Variants in STXBP4 observed in about 807,000 individuals in gnomAD.
The protein encoded by STXBP4 is syntaxin-binding protein 4.
STXBP4 carries 55 observed loss-of-function variants against 76.1 expected under a neutral mutation model. The observed-to-expected ratio is 0.72, with a 90% CI of 0.58 to 0.91. STXBP4 has a LOEUF of 0.91. STXBP4 is among the 40% of genes least tolerant of loss of function. STXBP4 has a pLI of 0.00. For missense variants in STXBP4, 618 were observed against 636.9 expected (o/e 0.97, Z 0.32); for synonymous variants, 201 against 220.2 (o/e 0.91, Z 0.77).
chr17:55,005,961 G>C (rs2077999432), intron 7 of STXBP4, among the ~76,000 whole-genome samples: 1 of 151,936 alleles, frequency 6.6e-6, no homozygotes, highest in Non-Finnish European at 1.5e-5. Flanking sequence ...ATATGTGTAT[G>C]TGTGTATATA....
chr17:54,980,381 C>A lies in STXBP4; in HGVS notation c.-156-5233C>A, dbSNP rs2077533435. 2.0e-5 allele frequency among the ~76,000 whole-genome samples: 3 copies of A among 152,122 alleles called. No individual in the cohort carries two copies. The South Asian group carries it at 6.2e-4, about 32-fold the overall frequency. On this transcript the variant is annotated intron_variant, in intron 1 of 17. Transcript: ENST00000376352. ...TGTTACCAGTGCAGGGTCTTGACTACAAGTCGTCCAGGTTCTTGGCAATTT... is the reference window on the plus strand; with the variant it reads ...TGTTACCAGTGCAGGGTCTTGACTAAAAGTCGTCCAGGTTCTTGGCAATTT...
At chr17:55,064,987 C>A (rs2079033435) in intron 12 of STXBP4, among the ~76,000 whole-genome samples, 1 of 152,136 alleles carries the variant, frequency 6.6e-6, no homozygotes, top group South Asian at 2.1e-4. Context: ...AGGGTCTACA[C>A]TTTACACTGT....
At chr17:54,977,196 G>T (rs2077485721) in intron 1 of STXBP4, among the ~76,000 whole-genome samples, 1 of 151,906 alleles carries the variant, frequency 6.6e-6, no homozygotes, top group Non-Finnish European at 1.5e-5. Flanking sequence ...TTAGATTCTT[G>T]AAAGAAAAAA....
intron 7 of STXBP4, among the ~76,000 whole-genome samples, chr17:55,005,314 T>G (rs148732851): frequency 6.6e-6 from 1 of 152,334 alleles, no homozygotes; most frequent in Admixed American, 6.5e-5. Flanking sequence ...GAGATTAGAC[T>G]CGTGACATTA....
At chr17:55,122,742 G>A (rs1346879153) in intron 16 of STXBP4, among the ~76,000 whole-genome samples, 1 of 152,112 alleles carries the variant, frequency 6.6e-6, no homozygotes, top group African/African-American at 2.4e-5. Context: ...TGAGATATGT[G>A]TCTATGTGTG....
intron 10 of STXBP4, among the ~76,000 whole-genome samples, chr17:55,036,748 CTT>C (rs1259651831): frequency 1.3e-5 from 2 of 151,844 alleles, no homozygotes; most frequent in East Asian, 3.8e-4. Flanking sequence ...TTTTTAATAA[CTT>C]TTTCTTTTAG....
chr17:55,079,174 C>T (rs1202197303), intron 15 of STXBP4, among the ~76,000 whole-genome samples: 1 of 152,112 alleles, frequency 6.6e-6, no homozygotes, highest in African/African-American at 2.4e-5. Flanking sequence ...TTTCATCTTT[C>T]AGTAGCTATA....
At chr17:55,071,474 A>G (rs1197524338) in intron 12 of STXBP4, among the ~76,000 whole-genome samples, 1 of 152,164 alleles carries the variant, frequency 6.6e-6, no homozygotes, top group Non-Finnish European at 1.5e-5. Context: ...CGCTCTTCCT[A>G]GAAAGCTCCT....
chr17:55,015,103 A>G (rs966755410), intron 8 of STXBP4, among the ~76,000 whole-genome samples: 10 of 152,320 alleles, frequency 6.6e-5, no homozygotes, highest in African/African-American at 1.9e-4. Context: ...TTGGCCTTCA[A>G]TAGAGTCAGG....
At chr17:55,197,303 C>T in the STXBP4 span, among the ~76,000 whole-genome samples, 3 of 152,176 alleles carry the variant, frequency 2.0e-5, no homozygotes, top group African/African-American at 7.2e-5. Flanking sequence ...CAATTCCCCT[C>T]AACATGAAAG....
At chr17:55,184,328 A>G in the STXBP4 span, among the ~76,000 whole-genome samples, 10 of 152,222 alleles carry the variant, frequency 6.6e-5, no homozygotes, top group African/African-American at 2.2e-4. Flanking sequence ...TTAAAAAGTT[A>G]TTATCATAAT....
At chr17:55,075,393 T>C (rs1157622356) in intron 13 of STXBP4, among the ~76,000 whole-genome samples, 1 of 152,214 alleles carries the variant, frequency 6.6e-6, no homozygotes, top group East Asian at 1.9e-4. Flanking sequence ...TTTCTTGTAC[T>C]CTATTGTGTG....
chr17:55,073,484 G>T (rs1167753834), intron 13 of STXBP4, among the ~76,000 whole-genome samples: 1 of 152,134 alleles, frequency 6.6e-6, no homozygotes, highest in Non-Finnish European at 1.5e-5. Context: ...TTAAAGTGAA[G>T]GAATGTTTGC....
At chr17:55,206,899 C>A in the STXBP4 span, among the ~76,000 whole-genome samples, 2 of 145,928 alleles carry the variant, frequency 1.4e-5, no homozygotes, top group Non-Finnish European at 3.0e-5. Context: ...AGGAAAAGGA[C>A]AAAATGTCTT....
intron 12 of STXBP4, among the ~76,000 whole-genome samples, chr17:55,064,526 G>T (rs1295202287): frequency 6.6e-6 from 1 of 152,092 alleles, no homozygotes; most frequent in Non-Finnish European, 1.5e-5. Flanking sequence ...ATGGAGTCTT[G>T]CTCTGTCGCC....
chr17:55,168,870 A>G lies in STXBP4; in HGVS notation c.*8959A>G, dbSNP rs893270442. The G allele has an allele frequency of 6.6e-6, 1 of 152,234 alleles. No homozygotes were observed. The highest frequency in any genetic ancestry group is 1.5e-5 in the Non-Finnish European group (1 of 68,044). 9.4% of individuals were successfully genotyped at this position (152,234 alleles called of 1,614,324 possible). ...ATGCTGGCACATTTTTTATCTTGGC[A>G]AAAGGACTTAATAGAAAAATTTTAG... is the stretch of plus-strand genomic sequence containing the variant. On this transcript the variant is annotated 3_prime_UTR_variant, in exon 18 of 18. Transcript: ENST00000376352.
At chr17:54,987,627 C>T (rs1472416336) in intron 3 of STXBP4, among the ~76,000 whole-genome samples, 1 of 152,174 alleles carries the variant, frequency 6.6e-6, no homozygotes, top group Non-Finnish European at 1.5e-5. Flanking sequence ...GCAAACAATA[C>T]ATTTGCAATT....
Position 55,113,476 on chromosome 17 carries a change from G to A in STXBP4, c.1490-27834G>A, listed in dbSNP as rs960894425. ...TTGATTTGGACAAATTCCTGCTTAT[G>A]CCCAGATTTCTGTGACTTTCTAGTG... On this transcript the variant is annotated intron_variant, in intron 16 of 17. Coordinates refer to ENST00000376352, the MANE Select transcript of STXBP4 (RefSeq NM_178509.6). Among the ~76,000 whole-genome samples, 3 of 152,058 alleles carry A rather than the reference G, an allele frequency of 2.0e-5. No individual in the cohort carries two copies. In the East Asian group the frequency reaches 5.8e-4, roughly 29 times the overall value.
rs1198478885 is a variant in STXBP4, at chr17:55,164,394, C to G, written c.*4483C>G. ...ATAGTTCTGTCCCCCATTCCATTCC[C>G]CCATCACCCAATTATTCTCTATATC... On this transcript the variant is annotated 3_prime_UTR_variant, in exon 18 of 18. Coordinates refer to ENST00000376352, the MANE Select transcript of STXBP4 (RefSeq NM_178509.6). The G allele has an allele frequency of 6.6e-6, 1 of 151,312 alleles. No individual in the cohort carries two copies. The highest frequency in any genetic ancestry group is 1.9e-4 in the East Asian group (1 of 5,194). The allele number at this position is 151,312 out of a possible 1,614,324, so 9.4% of individuals were successfully genotyped here.
Sources: gnomAD v4.1 joint callset for allele counts (sites outside exome capture counted in the v4.1 genomes callset) on GRCh38, gnomAD v4.1.1 for gene constraint, MANE v1.5 for transcripts, NCBI Gene and HGNC (gene_info 2026-07-23, HGNC 2026-07-21) for gene names.